CARMIL1: variants seen among roughly 807,000 people sequenced by gnomAD.
The protein encoded by CARMIL1 is F-actin-uncapping protein LRRC16A.
CARMIL1 carries 90 observed loss-of-function variants against 177.1 expected under a neutral mutation model. The observed-to-expected ratio is 0.51, with a 90% CI of 0.43 to 0.61. The LOEUF is 0.61. Ranked by LOEUF, CARMIL1 falls within the 20% of genes least tolerant of loss-of-function variation. The pLI is 0.00. For synonymous variants in CARMIL1, 577 were observed against 606.2 expected (o/e 0.95, Z 0.71); for missense variants, 1,380 against 1,667.0 (o/e 0.83, Z 3.00).
chr6:25,442,790 G>A (rs1034775484), intron 5 of CARMIL1, among the ~76,000 whole-genome samples: 1 of 152,138 alleles, frequency 6.6e-6, no homozygotes. Flanking sequence ...CGCTGGACAC[G>A]TCTGCAGGTT....
intron 31 of CARMIL1, among the ~76,000 whole-genome samples, chr6:25,592,946 C>T (rs1814460138): frequency 6.6e-6 from 1 of 152,186 alleles, no homozygotes; most frequent in African/African-American, 2.4e-5. Context: ...ACTAAGCTTA[C>T]TATGAGTTGT....
At chr6:25,452,225 AT>A (rs747471059) in intron 8 of CARMIL1, 6,573 of 530,144 alleles carry the variant, frequency 0.012, no homozygotes, top group South Asian at 0.018. Flanking sequence ...TTCTCAGGCA[AT>A]TTTTTTTTTT....
intron 23 of CARMIL1, among the ~76,000 whole-genome samples, chr6:25,522,219 C>A (rs1257281694): frequency 6.6e-6 from 1 of 152,146 alleles, no homozygotes; most frequent in African/African-American, 2.4e-5. Flanking sequence ...TTACATATTG[C>A]AATAAAAAAT....
intron 2 of CARMIL1, among the ~76,000 whole-genome samples, chr6:25,405,225 C>A (rs1440100688): frequency 2.0e-5 from 3 of 152,222 alleles, no homozygotes; most frequent in Non-Finnish European, 4.4e-5. Context: ...AGAAAATATT[C>A]TCTATTTTTA....
chr6:25,387,398 A>G (rs1293707602), intron 2 of CARMIL1, among the ~76,000 whole-genome samples: 1 of 152,268 alleles, frequency 6.6e-6, no homozygotes, highest in Non-Finnish European at 1.5e-5. Context: ...GAATAAGTGA[A>G]TAGCTGAATC....
chr6:25,544,171 A>G (rs1444458112), intron 26 of CARMIL1, among the ~76,000 whole-genome samples: 2 of 152,138 alleles, frequency 1.3e-5, no homozygotes, highest in Non-Finnish European at 2.9e-5. Context: ...CCAAAAAGAA[A>G]ACAGAGACTA....
chr6:25,426,425 T>C, intron 3 of CARMIL1, 76 bp from the exon 4 acceptor site: 7 of 1,145,670 alleles, frequency 6.1e-6, no homozygotes, highest in Non-Finnish European at 7.5e-6. Context: ...TTTTTTTTTT[T>C]TTTTACCTTA....
chr6:25,435,853 A>G (rs1797178550), intron 5 of CARMIL1, among the ~76,000 whole-genome samples: 1 of 152,158 alleles, frequency 6.6e-6, no homozygotes, highest in Non-Finnish European at 1.5e-5. Context: ...AACTTCTCAT[A>G]AGACTAAAAC....
chr6:25,487,398 T>G (rs1365963686), intron 12 of CARMIL1, among the ~76,000 whole-genome samples: 1 of 152,162 alleles, frequency 6.6e-6, no homozygotes, highest in Non-Finnish European at 1.5e-5. Context: ...TCCTGGTTCT[T>G]TAGAGTAGTT....
At position 25,465,947 on chromosome 6, in the gene CARMIL1, T is replaced by C; in HGVS notation, c.689T>C (p.Leu230Pro). The stretch of plus-strand genomic sequence containing the variant: ...AAACTGTCCTCTAAGGATCTAAAAC[T>C]GGTAAGTAATCAAACATGCAGCAAA... Reference protein sequence around the residue: ...FTKLSSKDLKLSTDVCEQILR... With the variant: ...FTKLSSKDLKPSTDVCEQILR... Residue 230 changes from leucine to proline, a missense_variant and splice_region_variant, in exon 9 of 37, where the codon CTG (leucine) becomes CCG (proline). Physicochemically the swap from Leu to Pro is moderately conservative, Grantham distance 98. Coordinates refer to ENST00000329474, the MANE Select transcript of CARMIL1 (RefSeq NM_017640.6). 1 of 1,601,106 alleles carries C rather than the reference T, an allele frequency of 6.2e-7. No individual in the cohort carries two copies. The highest frequency in any genetic ancestry group is 2.2e-5 in the East Asian group (1 of 44,726).
Position 25,279,656 on chromosome 6 carries a change from G to A in CARMIL1, c.-140G>A. On this transcript the variant is annotated 5_prime_UTR_variant, in exon 1 of 37. Coordinates refer to ENST00000329474, the MANE Select transcript of CARMIL1 (RefSeq NM_017640.6). ...GGCGGGGGGCGCGCGGCAAAATTCT[G>A]TCTCCGCCCCCCCTTTTCTTGCCCA... 1.4e-6 allele frequency: 1 copy of A among 723,336 alleles called. No homozygotes were observed. Among genetic ancestry groups the A allele is most frequent in the Non-Finnish European group, 2.4e-6 (1 of 411,670 alleles). 44.8% of individuals were successfully genotyped at this position (723,336 alleles called of 1,614,324 possible). A position where few individuals can be genotyped will look rare whatever the true frequency, so the allele number is the denominator to read the frequency against.
At chr6:25,494,132 A>AT (rs1219981953) in intron 15 of CARMIL1, among the ~76,000 whole-genome samples, 2 of 150,130 alleles carry the variant, frequency 1.3e-5, no homozygotes, top group Non-Finnish European at 3.0e-5. Context: ...TTATTTATTT[A>AT]TTATTATTAT....
At chr6:25,606,364 C>T in intron 35 of CARMIL1, 91 bp downstream of exon 35, 2 of 1,218,878 alleles carry the variant, frequency 1.6e-6, no homozygotes, top group Non-Finnish European at 2.3e-6. Context: ...TCAGGGGCAG[C>T]TGGTGAGCGA....
chr6:25,283,220 A>G (rs1228045940), intron 1 of CARMIL1, among the ~76,000 whole-genome samples: 2 of 152,188 alleles, frequency 1.3e-5, no homozygotes, highest in African/African-American at 2.4e-5. Flanking sequence ...ATGGCATGCC[A>G]TGAGTTTTGG....
Position 25,279,489 on chromosome 6 carries a change from G to A in CARMIL1, c.-307G>A. 1 of 473,252 alleles carries A rather than the reference G, an allele frequency of 2.1e-6. No homozygotes were observed. 29.3% of individuals were successfully genotyped at this position (473,252 alleles called of 1,614,324 possible). The stretch of plus-strand genomic sequence containing the variant: ...ACCAGCGAGCCGGGAGGAGGAGCAG[G>A]CGCCACAGCCGCCCCGCGCCCCGCG... On this transcript the variant is annotated 5_prime_UTR_variant, in exon 1 of 37. Transcript: ENST00000329474.
intron 2 of CARMIL1, among the ~76,000 whole-genome samples, chr6:25,396,653 T>A (rs1793427263): frequency 6.6e-6 from 1 of 152,182 alleles, no homozygotes; most frequent in Non-Finnish European, 1.5e-5. Flanking sequence ...TGGGCCACCA[T>A]GCCTGGCCGT....
At chr6:25,579,332 G>T (rs1214271331) in intron 29 of CARMIL1, among the ~76,000 whole-genome samples, 1 of 150,340 alleles carries the variant, frequency 6.7e-6, no homozygotes, top group African/African-American at 2.4e-5. Flanking sequence ...CAATCTAAAT[G>T]AAATTGGCTA....
intron 2 of CARMIL1, among the ~76,000 whole-genome samples, chr6:25,403,720 A>T (rs1794091328): frequency 1.3e-5 from 2 of 151,932 alleles, no homozygotes; most frequent in Non-Finnish European, 2.9e-5. Flanking sequence ...TAATTACGTC[A>T]CACCAAGCTA....
chr6:25,607,854 G>A (rs1195244792), intron 35 of CARMIL1, among the ~76,000 whole-genome samples: 1 of 152,112 alleles, frequency 6.6e-6, no homozygotes, highest in Non-Finnish European at 1.5e-5. Context: ...AAAGAAAGTG[G>A]TGTACTGGCT....
Sources: gnomAD v4.1 joint callset for allele counts (sites outside exome capture counted in the v4.1 genomes callset) on GRCh38, gnomAD v4.1.1 for gene constraint, MANE v1.5 for transcripts, NCBI Gene and HGNC (gene_info 2026-07-23, HGNC 2026-07-21) for gene names.